Variants in NEK10 observed in about 807,000 individuals in gnomAD.
NEK10 encodes the protein NIMA related kinase 10.
NEK10 carries 122 observed loss-of-function variants against 159.8 expected under a neutral mutation model. The observed-to-expected ratio is 0.76, with a 90% CI of 0.66 to 0.89. The LOEUF is 0.89. Among genes scored for constraint, NEK10 ranks in the 40% least tolerant of loss-of-function variants. NEK10 has a pLI of 0.00. For synonymous variants in NEK10, 466 were observed against 457.1 expected, an observed-to-expected ratio of 1.02 and a Z score of -0.25; for missense variants, 1,342 against 1,323.1, an observed-to-expected ratio of 1.01 and a Z score of -0.22.
intron 23 of NEK10, among the ~76,000 whole-genome samples, chr3:27,223,427 T>C (rs1048343898): frequency 1.3e-5 from 2 of 152,168 alleles, no homozygotes; most frequent in African/African-American, 2.4e-5. Context: ...ATAACCATTG[T>C]CCATCTGCAC....
intron 5 of NEK10, among the ~76,000 whole-genome samples, chr3:27,342,412 T>C (rs2047263624): frequency 6.6e-6 from 1 of 152,168 alleles, no homozygotes; most frequent in African/African-American, 2.4e-5. Flanking sequence ...TTTTACCCAA[T>C]GCCTTTAGAA....
intron 23 of NEK10, among the ~76,000 whole-genome samples, chr3:27,214,453 C>T (rs1174505350): frequency 1.3e-5 from 2 of 152,140 alleles, no homozygotes; most frequent in East Asian, 1.9e-4. Context: ...CGCTAGTTTC[C>T]CTCCTCCTGT....
chr3:27,256,916 T>G (rs903971239), intron 22 of NEK10, among the ~76,000 whole-genome samples: 13 of 81,318 alleles, frequency 1.6e-4, no homozygotes, highest in Non-Finnish European at 3.3e-4. Context: ...TTCTCTCTTT[T>G]TTTTTTTTTT....
chr3:27,340,723 A>G (rs9847010), intron 5 of NEK10, among the ~76,000 whole-genome samples: 115,058 of 152,100 alleles, frequency 0.76, 43,695 homozygotes, highest in East Asian at 0.88. Context: ...GAGGATGTGG[A>G]TAAGAGGGAA....
chr3:27,247,736 C>T (rs1023955767), intron 23 of NEK10, among the ~76,000 whole-genome samples: 1 of 151,718 alleles, frequency 6.6e-6, no homozygotes, highest in Non-Finnish European at 1.5e-5. Context: ...AGGGTTTCGC[C>T]ATGTTGCCCA....
intron 26 of NEK10, among the ~76,000 whole-genome samples, chr3:27,177,378 C>T (rs1947618879): frequency 6.6e-6 from 1 of 151,778 alleles, no homozygotes; most frequent in Admixed American, 6.6e-5. Context: ...CCTGTCTCTA[C>T]TAAAAAATAC....
chr3:27,273,233 T>A (rs1025135958), intron 22 of NEK10, among the ~76,000 whole-genome samples: 14 of 152,200 alleles, frequency 9.2e-5, no homozygotes, highest in African/African-American at 3.1e-4. Context: ...TCTCTCATAA[T>A]TGCCCAAATT....
chr3:27,138,117 T>C (rs1327510962), intron 31 of NEK10, among the ~76,000 whole-genome samples: 2 of 152,182 alleles, frequency 1.3e-5, no homozygotes, highest in Non-Finnish European at 2.9e-5. Flanking sequence ...CGGCAGCTCA[T>C]AGCAAACAGC....
intron 1 of NEK10, among the ~76,000 whole-genome samples, chr3:27,365,619 T>TTTTTGTTTTTTTTTTTTG (rs532122617): frequency 7.3e-6 from 1 of 137,828 alleles, no homozygotes; most frequent in African/African-American, 2.8e-5. Flanking sequence ...TGTTTTTTTT[T>TTTTTGTTTTTTTTTTTTG]TTTTTTTTTT....
intron 5 of NEK10, among the ~76,000 whole-genome samples, chr3:27,343,266 A>G (rs2047326525): frequency 6.6e-6 from 1 of 152,238 alleles, no homozygotes; most frequent in African/African-American, 2.4e-5. Flanking sequence ...ATATGAAGTC[A>G]TCACTTAAGC....
intron 30 of NEK10, among the ~76,000 whole-genome samples, chr3:27,147,905 A>T (rs1046305780): frequency 2.0e-5 from 3 of 152,238 alleles, no homozygotes; most frequent in Admixed American, 1.3e-4. Context: ...AATGCTCTTG[A>T]ATCAGCATTT....
intron 29 of NEK10, among the ~76,000 whole-genome samples, chr3:27,166,742 C>A (rs1447879485): frequency 2.0e-5 from 3 of 151,998 alleles, no homozygotes; most frequent in African/African-American, 7.3e-5. Context: ...GGTGGATCAC[C>A]TGAAGTCAAG....
chr3:27,114,890 C>A (rs1254168016), intron 35 of NEK10, among the ~76,000 whole-genome samples: 1 of 152,116 alleles, frequency 6.6e-6, no homozygotes, highest in East Asian at 1.9e-4. Context: ...TTAGGTAAGT[C>A]AACAGACAAC....
In NEK10 at chr3:27,301,847, A is replaced by G; in HGVS notation, c.1029-12T>C. ...CAAAATTTCTGTCTCTGAAAAAGAA[A>G]AGTTAATGCATAGACCATTTATCAA... On this transcript the variant is annotated splice_polypyrimidine_tract_variant and intron_variant, in intron 12 of 35. Transcript: ENST00000691995. The G allele has an allele frequency of 6.5e-7, 1 of 1,546,416 alleles. No individual in the cohort carries two copies. Among genetic ancestry groups the G allele is most frequent in the Non-Finnish European group, 8.8e-7 (1 of 1,142,172 alleles).
intron 33 of NEK10, among the ~76,000 whole-genome samples, chr3:27,118,995 T>C (rs1157643045): frequency 2.6e-5 from 4 of 152,316 alleles, no homozygotes; most frequent in South Asian, 2.1e-4. Flanking sequence ...CCAAGTGACA[T>C]AGCTACCGTT....
chr3:27,177,341 A>G (rs1485105108), intron 26 of NEK10, among the ~76,000 whole-genome samples: 1 of 152,072 alleles, frequency 6.6e-6, no homozygotes, highest in African/African-American at 2.4e-5. Flanking sequence ...CAGGAGATCA[A>G]GATCATCCTG....
intron 29 of NEK10, among the ~76,000 whole-genome samples, chr3:27,166,302 G>A (rs1048578569): frequency 2.0e-5 from 3 of 152,164 alleles, no homozygotes; most frequent in African/African-American, 7.2e-5. Flanking sequence ...TCCAATAACA[G>A]CTAGAAACAA....
At chr3:27,122,314 A>G (rs1575392217) in intron 32 of NEK10, among the ~76,000 whole-genome samples, 1 of 152,308 alleles carries the variant, frequency 6.6e-6, no homozygotes, top group Non-Finnish European at 1.5e-5. Context: ...CTCCCCAGCC[A>G]TGTGGAACTG....
intron 5 of NEK10, among the ~76,000 whole-genome samples, chr3:27,337,202 A>C (rs983694646): frequency 6.6e-6 from 1 of 152,202 alleles, no homozygotes; most frequent in Admixed American, 6.5e-5. Flanking sequence ...AAAGAAATCA[A>C]GAGGACAATC....
Sources: gnomAD v4.1 joint callset for allele counts (sites outside exome capture counted in the v4.1 genomes callset) on GRCh38, gnomAD v4.1.1 for gene constraint, MANE v1.5 for transcripts, NCBI Gene and HGNC (gene_info 2026-07-23, HGNC 2026-07-21) for gene names.